The following NTM variants were observed in gnomAD, a reference collection of about 807,000 sequenced individuals.
NTM encodes IgLON family member 2.
In NTM, 13 loss-of-function variants were observed where a neutral mutation model predicts 42.1. The observed-to-expected ratio is 0.31, with a 90% confidence interval of 0.20 to 0.49. The LOEUF (loss-of-function observed/expected upper bound fraction) is 0.49, where lower values mean the gene tolerates loss of function less well. Ranked by LOEUF, NTM falls within the 20% of genes least tolerant of loss-of-function variation. NTM has a pLI of 0.99. For missense variants in NTM, 373 were observed against 452.8 expected, an observed-to-expected ratio of 0.82 and a Z score of 1.60; for synonymous variants, 187 against 179.2, an observed-to-expected ratio of 1.04 and a Z score of -0.35.
intron 1 of NTM, among the ~76,000 whole-genome samples, chr11:131,553,565 C>A (rs2054994259): frequency 6.6e-6 from 1 of 152,154 alleles, no homozygotes; most frequent in African/African-American, 2.4e-5. Context: ...AGTTTCTAAG[C>A]CCAGTTTATT....
At chr11:131,520,876 G>A (rs1206358049) in intron 1 of NTM, among the ~76,000 whole-genome samples, 7 of 152,042 alleles carry the variant, frequency 4.6e-5, no homozygotes, top group Non-Finnish European at 1.0e-4. Flanking sequence ...AAATAGAAGA[G>A]GTTTATTTGG....
At chr11:132,270,902 A>G (rs1224222648) in intron 4 of NTM, among the ~76,000 whole-genome samples, 1 of 152,220 alleles carries the variant, frequency 6.6e-6, no homozygotes, top group Non-Finnish European at 1.5e-5. Context: ...TTGTTGAGAT[A>G]TGATTAACAT....
At chr11:131,635,732 T>C (rs989843334) in intron 1 of NTM, among the ~76,000 whole-genome samples, 9 of 152,192 alleles carry the variant, frequency 5.9e-5, no homozygotes, top group African/African-American at 2.2e-4. Context: ...TTATAATGTG[T>C]ACAGTAATGT....
chr11:131,804,245 C>G (rs1447908327), intron 1 of NTM, among the ~76,000 whole-genome samples: 2 of 152,178 alleles, frequency 1.3e-5, no homozygotes, highest in African/African-American at 4.8e-5. Flanking sequence ...AAGTACAACT[C>G]TGACCCTCAC....
At chr11:131,732,295 A>G (rs987644243) in intron 1 of NTM, among the ~76,000 whole-genome samples, 1 of 152,080 alleles carries the variant, frequency 6.6e-6, no homozygotes, top group African/African-American at 2.4e-5. Context: ...TTCCTGCTCT[A>G]TTTATCTAAT....
Position 131,784,885 on chromosome 11 carries a change from A to G in NTM, c.83-126679A>G, listed in dbSNP as rs185939648. On this transcript the variant is annotated intron_variant, in intron 1 of 8. Transcript: ENST00000683400. ...TGTATTAATATTTTCATCAGTGATA[A>G]CCTAATAAAAATATTTTTATATATT... Among the ~76,000 whole-genome samples, 446 of 152,272 alleles carry G rather than the reference A, an allele frequency of 2.9e-3. 5 individuals carry two copies. Among genetic ancestry groups the G allele is most frequent in the Non-Finnish European group, 3.2e-3 (215 of 68,022 alleles).
At chr11:132,258,826 T>C (rs930092663) in intron 4 of NTM, among the ~76,000 whole-genome samples, 2 of 152,204 alleles carry the variant, frequency 1.3e-5, no homozygotes, top group African/African-American at 4.8e-5. Flanking sequence ...ATTGTAGTGA[T>C]TGAGTATTCA....
At chr11:132,044,188 G>C (rs895089310) in intron 2 of NTM, among the ~76,000 whole-genome samples, 4 of 149,502 alleles carry the variant, frequency 2.7e-5, no homozygotes, top group Non-Finnish European at 4.5e-5. Flanking sequence ...GTATGTGTGT[G>C]TGTTATCATT....
At chr11:132,275,787 G>A (rs1474668813) in intron 4 of NTM, among the ~76,000 whole-genome samples, 1 of 116,576 alleles carries the variant, frequency 8.6e-6, no homozygotes, top group Non-Finnish European at 1.9e-5. Flanking sequence ...ATCCCATCAG[G>A]GTAGTTAGTA....
At chr11:131,889,050 C>G (rs1212007106) in intron 1 of NTM, among the ~76,000 whole-genome samples, 1 of 152,026 alleles carries the variant, frequency 6.6e-6, no homozygotes, top group Non-Finnish European at 1.5e-5. Context: ...TCACCCACTT[C>G]CAAAGGGAGC....
intron 3 of NTM, among the ~76,000 whole-genome samples, chr11:132,179,056 T>C (rs73595482): frequency 0.021 from 3,162 of 152,296 alleles, 92 homozygotes; most frequent in African/African-American, 0.069. Flanking sequence ...TCAGGCACTC[T>C]ATACTGTCTG....
chr11:131,553,023 C>T lies in NTM; in HGVS notation c.82+182135C>T, dbSNP rs151001378. On this transcript the variant is annotated intron_variant, in intron 1 of 8. Transcript: ENST00000683400. ...AAAGAACACATATTGCTTGACATTCCATAACAGGCAAAATTAAACTCTTAT... is the reference window on the plus strand; with the variant it reads ...AAAGAACACATATTGCTTGACATTCTATAACAGGCAAAATTAAACTCTTAT... Among the ~76,000 whole-genome samples the T allele has an allele frequency of 4.6e-3, 702 of 152,222 alleles. 6 individuals are homozygous for T. Among genetic ancestry groups the T allele is most frequent in the African/African-American group, 0.016 (670 of 41,518 alleles).
chr11:131,788,688 A>C (rs1443323328), intron 1 of NTM, among the ~76,000 whole-genome samples: 1 of 152,118 alleles, frequency 6.6e-6, no homozygotes, highest in Non-Finnish European at 1.5e-5. Context: ...ATATTTGGGA[A>C]ATGTTTCTTC....
At chr11:131,934,078 C>T (rs533684068) in intron 2 of NTM, among the ~76,000 whole-genome samples, 1 of 152,236 alleles carries the variant, frequency 6.6e-6, no homozygotes, top group South Asian at 2.1e-4. Flanking sequence ...GTGTTCTAAA[C>T]AACAGCACTG....
intron 7 of NTM, among the ~76,000 whole-genome samples, chr11:132,325,632 G>A (rs372543669): frequency 2.0e-5 from 3 of 151,676 alleles, no homozygotes; most frequent in African/African-American, 4.8e-5. Flanking sequence ...ATCTAGAACT[G>A]GAAATACCAT....
At chr11:131,677,182 G>A (rs567491164) in intron 1 of NTM, among the ~76,000 whole-genome samples, 1 of 152,294 alleles carries the variant, frequency 6.6e-6, no homozygotes, top group South Asian at 2.1e-4. Context: ...CACAACTTAT[G>A]TGGGAGGCAG....
chr11:132,047,169 G>A (rs2078142247), intron 2 of NTM, among the ~76,000 whole-genome samples: 1 of 152,204 alleles, frequency 6.6e-6, no homozygotes, highest in African/African-American at 2.4e-5. Context: ...CATGGGCTGG[G>A]ATCTGACATA....
chr11:131,995,594 G>T (rs1045458970), intron 2 of NTM, among the ~76,000 whole-genome samples: 4 of 152,022 alleles, frequency 2.6e-5, no homozygotes, highest in African/African-American at 9.7e-5. Flanking sequence ...GGGAAGCGGG[G>T]CCAAGGCTGA....
At chr11:131,899,683 T>A (rs1287278589) in intron 1 of NTM, among the ~76,000 whole-genome samples, 1 of 152,238 alleles carries the variant, frequency 6.6e-6, no homozygotes, top group Non-Finnish European at 1.5e-5. Context: ...TATTCAAACC[T>A]TTTCATATCT....
Sources: allele counts gnomAD v4.1 joint callset (sites outside exome capture counted in the v4.1 genomes callset), GRCh38; gene constraint gnomAD v4.1.1; transcripts MANE v1.5; gene names NCBI Gene and HGNC (gene_info 2026-07-23, HGNC 2026-07-21).